The following DLG2 variants were observed in gnomAD, a reference collection of about 807,000 sequenced individuals.
DLG2 encodes discs large MAGUK scaffold protein 2.
A neutral mutation model predicts 132.5 loss-of-function variants in DLG2; 45 were observed. That is an observed-to-expected ratio of 0.34 (90% CI 0.27 to 0.44). DLG2 has a LOEUF of 0.44. DLG2 is among the 20% of genes least tolerant of loss of function. The probability of loss-of-function intolerance (pLI) is 1.00; values close to 1 mark genes in which losing one functional copy is unlikely to be tolerated. For missense variants in DLG2, 1,045 were observed against 1,196.9 expected, an observed-to-expected ratio of 0.87 and a Z score of 1.87; for synonymous variants, 424 against 419.6, an observed-to-expected ratio of 1.01 and a Z score of -0.13.
At chr11:85,096,441 C>G (rs2152244872) in intron 6 of DLG2, among the ~76,000 whole-genome samples, 1 of 151,934 alleles carries the variant, frequency 6.6e-6, no homozygotes, top group Non-Finnish European at 1.5e-5. Flanking sequence ...CTGTAACACT[C>G]ACTGCAAAGG....
At chr11:84,802,904 A>G (rs1289735569) in intron 6 of DLG2, among the ~76,000 whole-genome samples, 1 of 151,976 alleles carries the variant, frequency 6.6e-6, no homozygotes, top group African/African-American at 2.4e-5. Context: ...GGTTCAAGCG[A>G]TTCTCCTCCC....
chr11:83,638,021 G>C (rs1661056434), intron 18 of DLG2, among the ~76,000 whole-genome samples: 1 of 152,146 alleles, frequency 6.6e-6, no homozygotes, highest in Admixed American at 6.6e-5. Flanking sequence ...TTTGGTAAAT[G>C]CTTTTTAAAT....
chr11:83,814,954 C>G (rs574062222), intron 17 of DLG2: 1 of 174,076 alleles, frequency 5.7e-6, no homozygotes. Context: ...TGGGCAGTGT[C>G]CAGATTACAG....
intron 6 of DLG2, among the ~76,000 whole-genome samples, chr11:85,008,484 G>A (rs899957616): frequency 2.6e-5 from 4 of 151,808 alleles, no homozygotes; most frequent in African/African-American, 9.7e-5. Context: ...GAAGTGAAGG[G>A]GGAAAAAGAA....
intron 7 of DLG2, among the ~76,000 whole-genome samples, chr11:84,453,574 G>A (rs561069270): frequency 3.3e-5 from 5 of 151,754 alleles, no homozygotes; most frequent in African/African-American, 1.2e-4. Context: ...TTTGCTTCGT[G>A]TGGTTAAGAT....
At chr11:83,611,290 G>A (rs907024827) in intron 19 of DLG2, among the ~76,000 whole-genome samples, 4 of 151,802 alleles carry the variant, frequency 2.6e-5, no homozygotes, top group African/African-American at 7.3e-5. Context: ...AAGGGGGGAA[G>A]GGGGAGAGAG....
At chr11:84,657,045 CA>C (rs1009467296) in intron 6 of DLG2, among the ~76,000 whole-genome samples, 24 of 152,046 alleles carry the variant, frequency 1.6e-4, no homozygotes, top group African/African-American at 5.8e-4. Flanking sequence ...TACCATATGA[CA>C]AAACTGAAGG....
Position 83,459,171 on chromosome 11 carries a change from A to G in DLG2, c.*647T>C, listed in dbSNP as rs1042280836. On this transcript the variant is annotated 3_prime_UTR_variant, in exon 28 of 28. Transcript: ENST00000376104. Reference sequence around the variant, plus strand: ...TTATAAATGGCAAAATAGGCAATCAACAATCATAAAGCTAATCCCAGGTGG... The same window carrying G: ...TTATAAATGGCAAAATAGGCAATCAGCAATCATAAAGCTAATCCCAGGTGG... 9 of 152,636 alleles carry G rather than the reference A, an allele frequency of 5.9e-5. No homozygotes were observed. Among genetic ancestry groups the G allele is most frequent in the Admixed American group, 1.3e-4 (2 of 15,284 alleles). The allele number at this position is 152,636 out of a possible 1,614,324, so 9.5% of individuals were successfully genotyped here. A position where few individuals can be genotyped will look rare whatever the true frequency, so the allele number is the denominator to read the frequency against.
intron 6 of DLG2, among the ~76,000 whole-genome samples, chr11:84,754,617 G>C (rs371042177): frequency 5.6e-4 from 85 of 152,074 alleles, no homozygotes; most frequent in African/African-American, 1.9e-3. Context: ...AAAGATCAGT[G>C]GTTGGTAGGG....
At chr11:85,591,067 T>C (rs2153232079) in intron 3 of DLG2, among the ~76,000 whole-genome samples, 1 of 152,246 alleles carries the variant, frequency 6.6e-6, no homozygotes, top group Middle Eastern at 3.4e-3. Context: ...GCAGTAAATA[T>C]AAAAGTCCTG....
At chr11:85,340,664 A>T (rs2082427977) in intron 3 of DLG2, among the ~76,000 whole-genome samples, 1 of 152,202 alleles carries the variant, frequency 6.6e-6, no homozygotes, top group Non-Finnish European at 1.5e-5. Context: ...AAATTTTTTT[A>T]AAAAGAATAT....
At chr11:84,290,685 A>C (rs1406722906) in intron 7 of DLG2, among the ~76,000 whole-genome samples, 2 of 152,126 alleles carry the variant, frequency 1.3e-5, no homozygotes, top group Non-Finnish European at 2.9e-5. Context: ...AGTGGGAGAG[A>C]TATTGAGTAA....
chr11:85,200,011 T>C (rs1430574325), intron 4 of DLG2, among the ~76,000 whole-genome samples: 1 of 151,084 alleles, frequency 6.6e-6, no homozygotes, highest in Non-Finnish European at 1.5e-5. Flanking sequence ...AGAACAAACA[T>C]GCTCATTTCC....
chr11:84,739,596 G>A (rs947153398), intron 6 of DLG2, among the ~76,000 whole-genome samples: 5 of 152,154 alleles, frequency 3.3e-5, no homozygotes, highest in African/African-American at 1.2e-4. Context: ...AAGTTTTAGA[G>A]TTTAAAATTG....
chr11:85,204,377 C>A (rs568116493), intron 4 of DLG2, among the ~76,000 whole-genome samples: 2 of 152,084 alleles, frequency 1.3e-5, no homozygotes, highest in South Asian at 4.1e-4. Flanking sequence ...AGTAGCATTT[C>A]TATATGTTAA....
chr11:84,302,274 C>T (rs1408667192), intron 7 of DLG2, among the ~76,000 whole-genome samples: 1 of 152,104 alleles, frequency 6.6e-6, no homozygotes, highest in Non-Finnish European at 1.5e-5. Flanking sequence ...TGCAGCAAAC[C>T]ACCATGGCAC....
intron 18 of DLG2, among the ~76,000 whole-genome samples, chr11:83,722,960 AT>A (rs1431383621): frequency 6.6e-6 from 1 of 152,188 alleles, no homozygotes; most frequent in Non-Finnish European, 1.5e-5. Flanking sequence ...CATTTAAAAA[AT>A]TTTATTTATG....
rs138764365 is a variant in DLG2, at chr11:84,042,822, A to T, written c.919+16493T>A. 9.6e-4 allele frequency among the ~76,000 whole-genome samples: 146 copies of T among 152,000 alleles called. 2 individuals carry two copies. Among genetic ancestry groups the T allele is most frequent in the African/African-American group, 3.4e-3 (140 of 41,528 alleles). The stretch of plus-strand genomic sequence containing the variant: ...CCACATGTTCTCACTTATAAGTGGG[A>T]GCTGAACAATGAGAACACATGGACA... On this transcript the variant is annotated intron_variant, in intron 11 of 27. Coordinates refer to ENST00000376104, the MANE Select transcript of DLG2 (RefSeq NM_001142699.3).
At chr11:85,540,822 T>C (rs1444518337) in intron 3 of DLG2, among the ~76,000 whole-genome samples, 2 of 152,060 alleles carry the variant, frequency 1.3e-5, no homozygotes, top group Non-Finnish European at 2.9e-5. Flanking sequence ...ATCTGTATGC[T>C]CCCCCTAGGG....
Sources: allele counts gnomAD v4.1 joint callset (sites outside exome capture counted in the v4.1 genomes callset), GRCh38; gene constraint gnomAD v4.1.1; transcripts MANE v1.5; gene names NCBI Gene and HGNC (gene_info 2026-07-23, HGNC 2026-07-21).